TNRC6C: variants seen among roughly 807,000 people sequenced by gnomAD.
TNRC6C encodes trinucleotide repeat containing adaptor 6C.
In TNRC6C, 20 loss-of-function variants were observed where a neutral mutation model predicts 153.7. The ratio of observed to expected loss-of-function variants is 0.13; its 90% CI spans 0.09 to 0.19. TNRC6C has a LOEUF of 0.19. Among genes scored for constraint, TNRC6C ranks in the 10% least tolerant of loss-of-function variants. The probability of loss-of-function intolerance (pLI) is 1.00; values close to 1 mark genes in which losing one functional copy is unlikely to be tolerated. For missense variants in TNRC6C, 1,987 were observed against 2,172.0 expected (o/e 0.91, Z 1.69); for synonymous variants, 811 against 841.4 (o/e 0.96, Z 0.63).
chr17:78,061,314 A>G (rs988252855), intron 3 of TNRC6C, among the ~76,000 whole-genome samples: 3 of 152,238 alleles, frequency 2.0e-5, no homozygotes, highest in African/African-American at 7.2e-5. Flanking sequence ...CTCTGATGAT[A>G]AACACTTAAC....
At chr17:77,996,063 A>G (rs905189910) in intron 1 of TNRC6C, among the ~76,000 whole-genome samples, 2 of 152,072 alleles carry the variant, frequency 1.3e-5, no homozygotes, top group African/African-American at 2.4e-5. Context: ...AAAGAGTGAG[A>G]CCCTGTCTCA....
intron 3 of TNRC6C, among the ~76,000 whole-genome samples, chr17:78,056,357 C>G (rs2072654011): frequency 6.6e-6 from 1 of 151,036 alleles, no homozygotes; most frequent in Non-Finnish European, 1.5e-5. Context: ...GGGGTTTCAC[C>G]ATGTTGGCCA....
intron 13 of TNRC6C, among the ~76,000 whole-genome samples, chr17:78,089,790 G>A (rs952887963): frequency 1.3e-5 from 2 of 152,278 alleles, no homozygotes; most frequent in Admixed American, 1.3e-4. Context: ...TCAAATGATT[G>A]GATAGGATTA....
intron 1 of TNRC6C, among the ~76,000 whole-genome samples, chr17:77,975,665 T>C (rs535684051): frequency 3.2e-4 from 49 of 152,236 alleles, no homozygotes; most frequent in Non-Finnish European, 6.2e-4. Context: ...TATGAGGCTT[T>C]GGGACATCAT....
chr17:77,997,876 G>A (rs911224857), intron 1 of TNRC6C, among the ~76,000 whole-genome samples: 5 of 152,030 alleles, frequency 3.3e-5, no homozygotes, highest in East Asian at 3.9e-4. Context: ...GGATGGTCTC[G>A]ATGTCCTGAC....
chr17:78,098,395 G>T lies in TNRC6C; in HGVS notation c.4359G>T (p.Thr1453=), dbSNP rs776990768. Residue 1453 remains threonine, a synonymous_variant, in exon 17 of 20, where the codon ACG becomes ACT. Coordinates refer to ENST00000301624, the Ensembl canonical transcript of TNRC6C. ...GGTCCTCTGGCCCTACCTCCCACAC[G>T]CAAGCCTCTCTGTCTCATGAACTAT... 1.2e-5 allele frequency: 19 copies of T among 1,613,634 alleles called. No homozygotes were observed. The African/African-American group carries it at 2.4e-4, about 20-fold the overall frequency.
rs1020151045 is a variant in TNRC6C at position 78,104,651 on chromosome 17, C to T, written c.4879C>T (p.Arg1627Cys). ...AGCGGGCAGCTCCCATGGCCTGGTA[C>T]GCAGCGACGCTGGCCACTGGAACGC... The change falls in exon 20 of 20, where the codon CGC (arginine) becomes TGC (cysteine). Residue 1627 changes from arginine (R) to cysteine (C), a missense_variant. Arg to Cys is a radical substitution (Grantham distance 180). This residue lies in a region of TNRC6C where 139 missense variants were observed against 148.5 expected (regional missense o/e 0.94). Transcript: ENST00000301624. This position sits in a 1 kb window ranked among gnomAD's most constrained non-coding sequence, Gnocchi z 6.2. 25 of 1,545,090 alleles carry T rather than the reference C, an allele frequency of 1.6e-5. No individual in the cohort carries two copies. The highest frequency in any genetic ancestry group is 4.9e-5 in the East Asian group (2 of 40,912).
chr17:77,996,364 A>G (rs564788645), intron 1 of TNRC6C, among the ~76,000 whole-genome samples: 1 of 152,344 alleles, frequency 6.6e-6, no homozygotes, highest in South Asian at 2.1e-4. Context: ...AGATGACAAA[A>G]TTGAAGGACA....
chr17:78,003,917 T>G (rs186434375), upstream of TNRC6C, among the ~76,000 whole-genome samples: 10 of 152,308 alleles, frequency 6.6e-5, no homozygotes, highest in Admixed American at 5.9e-4. Flanking sequence ...ATCATACCCT[T>G]ATCCCCAGCA....
intron 1 of TNRC6C, among the ~76,000 whole-genome samples, chr17:77,980,433 C>T (rs952077939): frequency 2.0e-5 from 3 of 152,116 alleles, no homozygotes; most frequent in African/African-American, 7.2e-5. Flanking sequence ...GATTTCTCCC[C>T]ACGTGCCAAG....
chr17:78,093,302 G>C, intron 15 of TNRC6C, 178 bp downstream of exon 17: 1 of 776,910 alleles, frequency 1.3e-6, no homozygotes, highest in South Asian at 1.9e-5. Context: ...GGTATGGTTA[G>C]CATCAGGCAT....
chr17:78,082,266 G>A (rs549047267), intron 10 of TNRC6C, among the ~76,000 whole-genome samples: 9 of 151,548 alleles, frequency 5.9e-5, no homozygotes, highest in Middle Eastern at 3.4e-3. Context: ...TTTAGTGAGG[G>A]CAGGGGTAGG....
At chr17:78,105,783 G>A (rs148491283) in exon 20 of TNRC6C, 13 of 152,298 alleles carry the variant, frequency 8.5e-5, no homozygotes, top group Admixed American at 3.3e-4. Flanking sequence ...TCAAACGGTT[G>A]TTATTATTAG....
At chr17:78,092,410 A>ACT (rs1208611461) in intron 14 of TNRC6C, among the ~76,000 whole-genome samples, 1 of 152,228 alleles carries the variant, frequency 6.6e-6, no homozygotes, top group Non-Finnish European at 1.5e-5. Flanking sequence ...AAAGGAGGGA[A>ACT]GAGATAACAG....
At chr17:78,092,885 C>T in intron 14 of TNRC6C, 48 bp from the exon 17 acceptor site, 1 of 1,574,338 alleles carries the variant, frequency 6.4e-7, no homozygotes, top group Non-Finnish European at 8.7e-7. Flanking sequence ...TGGTGTCTCT[C>T]AACTGGAGAG....
intron 5 of TNRC6C, among the ~76,000 whole-genome samples, chr17:78,069,500 C>T (rs1005878078): frequency 6.6e-6 from 1 of 152,216 alleles, no homozygotes; most frequent in African/African-American, 2.4e-5. Flanking sequence ...CCTCCTGCCT[C>T]AGCCTCCTGA....
At chr17:77,975,782 A>G (rs1442970704) in intron 1 of TNRC6C, among the ~76,000 whole-genome samples, 1 of 152,228 alleles carries the variant, frequency 6.6e-6, no homozygotes, top group Non-Finnish European at 1.5e-5. Context: ...TACTTTTATC[A>G]TTACTTTATA....
At chr17:77,993,439 T>G (rs778763228) in intron 1 of TNRC6C, among the ~76,000 whole-genome samples, 6 of 152,188 alleles carry the variant, frequency 3.9e-5, no homozygotes, top group Non-Finnish European at 8.8e-5. Context: ...TGATGTAAGA[T>G]AGTAATTTCC....
At chr17:78,053,292 G>C (rs2072575291) in intron 3 of TNRC6C, among the ~76,000 whole-genome samples, 1 of 152,122 alleles carries the variant, frequency 6.6e-6, no homozygotes, top group South Asian at 2.1e-4. Flanking sequence ...AAAGTACTTG[G>C]GGGGATAAGG....
Sources: allele counts gnomAD v4.1 joint callset (sites outside exome capture counted in the v4.1 genomes callset), GRCh38; gene constraint gnomAD v4.1.1; regional missense constraint gnomAD v4.1.1; non-coding constraint Gnocchi (gnomAD v3.1); transcripts MANE v1.5; gene names NCBI Gene and HGNC (gene_info 2026-07-23, HGNC 2026-07-21).